Variants in PI4KB observed in about 807,000 individuals in gnomAD.
PI4KB encodes the protein PtdIns 4-kinase beta.
In PI4KB, 23 loss-of-function variants were observed where a neutral mutation model predicts 81.4. The observed-to-expected ratio is 0.28, with a 90% confidence interval of 0.20 to 0.40. PI4KB has a LOEUF of 0.40. Among genes scored for constraint, PI4KB ranks in the 10% least tolerant of loss-of-function variants. PI4KB has a pLI of 1.00. For synonymous variants in PI4KB, 381 were observed against 406.8 expected (o/e 0.94, Z 0.76); for missense variants, 651 against 1,036.6 (o/e 0.63, Z 5.11).
intron 1 of PI4KB, among the ~76,000 whole-genome samples, chr1:151,319,525 A>G (rs1044742901): frequency 2.0e-5 from 3 of 152,242 alleles, no homozygotes; most frequent in African/African-American, 7.2e-5. Context: ...AAAAGAAATC[A>G]GACTAGGACT....
chr1:151,296,418 T>C (rs1301419196), intron 9 of PI4KB, among the ~76,000 whole-genome samples: 13 of 152,018 alleles, frequency 8.6e-5, no homozygotes, highest in Admixed American at 8.5e-4. Context: ...AGGGTTTTCA[T>C]CTGGTTTAAA....
At chr1:151,313,745 C>T (rs1208999366) in intron 2 of PI4KB, among the ~76,000 whole-genome samples, 1 of 152,244 alleles carries the variant, frequency 6.6e-6, no homozygotes, top group Non-Finnish European at 1.5e-5. Flanking sequence ...TTTGCCTGTG[C>T]ATGGATGTGG....
In PI4KB at chr1:151,316,485, C is replaced by T. The variant is rs1647965735; in HGVS notation, c.-4G>A. ...GCTCCACTACTGTATCTCCCATGGCCACAGCCAGACTTCGAGCTTCCAAGC... is the reference window on the plus strand; with the variant it reads ...GCTCCACTACTGTATCTCCCATGGCTACAGCCAGACTTCGAGCTTCCAAGC... On this transcript the variant is annotated 5_prime_UTR_variant, in exon 2 of 12. Coordinates refer to ENST00000368873, the MANE Select transcript of PI4KB (RefSeq NM_001369623.2). 1 of 1,514,688 alleles carries T rather than the reference C, an allele frequency of 6.6e-7. No individual in the cohort carries two copies. The highest frequency in any genetic ancestry group is 1.4e-5 in the African/African-American group (1 of 71,634). The allele number at this position is 1,514,688 out of a possible 1,614,324, so 93.8% of individuals were successfully genotyped here.
At chr1:151,298,749 C>T in intron 9 of PI4KB, 59 bp downstream of exon 9, 4 of 1,555,890 alleles carry the variant, frequency 2.6e-6, no homozygotes, top group Non-Finnish European at 3.5e-6. Flanking sequence ...GAGAACTACA[C>T]ACGAAGGGAC....
chr1:151,299,990 A>T (rs1003515433), intron 8 of PI4KB, among the ~76,000 whole-genome samples: 1 of 152,252 alleles, frequency 6.6e-6, no homozygotes, highest in African/African-American at 2.4e-5. Flanking sequence ...TAATGGATAT[A>T]TGCCAAAAAC....
chr1:151,326,989 T>TA (rs989587648), intron 1 of PI4KB, among the ~76,000 whole-genome samples: 58 of 151,462 alleles, frequency 3.8e-4, no homozygotes, highest in Admixed American at 3.2e-3. Flanking sequence ...GTTCATGACT[T>TA]AAAAAAAAGA....
intron 3 of PI4KB, among the ~76,000 whole-genome samples, chr1:151,309,477 G>A (rs1224120291): frequency 2.0e-5 from 3 of 152,120 alleles, no homozygotes; most frequent in Admixed American, 6.5e-5. Context: ...AAATCAAATA[G>A]AAAATATAAA....
At chr1:151,298,765 G>T in intron 9 of PI4KB, 43 bp downstream of exon 9, 1 of 1,593,274 alleles carries the variant, frequency 6.3e-7, no homozygotes, top group South Asian at 1.1e-5. Flanking sequence ...GGGACAGAGA[G>T]AACCCTGGAG....
chr1:151,323,395 T>C (rs928388351), intron 1 of PI4KB, among the ~76,000 whole-genome samples: 3 of 150,786 alleles, frequency 2.0e-5, no homozygotes, highest in East Asian at 3.9e-4. Context: ...TAATCTCAGC[T>C]ACTCGGGAGG....
At position 151,292,609 on chromosome 1, in the gene PI4KB, G is replaced by A. The variant is rs1694386961; in HGVS notation, c.*243C>T. 5.6e-6 allele frequency: 3 copies of A among 534,568 alleles called. No individual in the cohort carries two copies. Among genetic ancestry groups the A allele is most frequent in the Non-Finnish European group, 1.0e-5 (3 of 297,930 alleles). The allele number at this position is 534,568 out of a possible 1,614,324, so 33.1% of individuals were successfully genotyped here. A position where few individuals can be genotyped will look rare whatever the true frequency, so the allele number is the denominator to read the frequency against. ...GGCAGTGAGTCCTGGAGTCAGTCTGGTGGTAATACTGACACAGACCAGGAG... is the reference window on the plus strand; with the variant it reads ...GGCAGTGAGTCCTGGAGTCAGTCTGATGGTAATACTGACACAGACCAGGAG... On this transcript the variant is annotated 3_prime_UTR_variant, in exon 12 of 12. Transcript: ENST00000368873.
Position 151,292,636 on chromosome 1 carries a change from G to T in PI4KB, c.*216C>A. 1 of 576,050 alleles carries T rather than the reference G, an allele frequency of 1.7e-6. No individual in the cohort carries two copies. The allele number at this position is 576,050 out of a possible 1,614,324, so 35.7% of individuals were successfully genotyped here. ...GGTAATACTGACACAGACCAGGAGG[G>T]GCAGGGAAGCCCCAACAAGTCTGGA... On this transcript the variant is annotated 3_prime_UTR_variant, in exon 12 of 12. Transcript: ENST00000368873.
rs151090491 is a variant in PI4KB, at chr1:151,301,924, G to A, written c.1669C>T (p.Arg557Trp). 3.6e-5 allele frequency: 58 copies of A among 1,613,998 alleles called. No homozygotes were observed. In the Admixed American group the frequency reaches 4.3e-4, roughly 12 times the overall value. Residue 557 changes from arginine (R) to tryptophan (W), a missense_variant, in exon 8 of 12, where the codon CGG (arginine) becomes TGG (tryptophan). Physicochemically the swap from Arg to Trp is moderately radical, Grantham distance 101 (BLOSUM62 -3). This residue lies in a region of PI4KB where 246 missense variants were observed against 430.1 expected (regional missense o/e 0.57). Transcript: ENST00000368873. ...GSPYGHLPNW[R>W]LLSVIVKCGD... ...CACTTGACAATGACTGACAGGAGCC[G>A]CCAATTGGGGAGATGGCCGTAGGGG...
chr1:151,293,355 C>T, intron 11 of PI4KB: 1 of 1,345,444 alleles, frequency 7.4e-7, no homozygotes, highest in Non-Finnish European at 9.8e-7. Context: ...GAGCTGGGCA[C>T]TTATCTGGTT....
intron 5 of PI4KB, among the ~76,000 whole-genome samples, chr1:151,304,549 T>C (rs757846067): frequency 2.6e-4 from 40 of 152,006 alleles, no homozygotes; most frequent in Non-Finnish European, 4.7e-4. Flanking sequence ...TTCACCATGT[T>C]AGTCAGGCTG....
chr1:151,301,161 G>C (rs755822399), intron 8 of PI4KB, among the ~76,000 whole-genome samples: 1 of 152,186 alleles, frequency 6.6e-6, no homozygotes. Context: ...GGTGGTCCCC[G>C]GCAGAATAAT....
At position 151,316,179 on chromosome 1, in the gene PI4KB, T is replaced by A. The variant is rs745606117; in HGVS notation, c.303A>T (p.Glu101Asp). The A allele has an allele frequency of 4.3e-6, 7 of 1,613,936 alleles. No homozygotes were observed. In the East Asian group the frequency reaches 1.6e-4, roughly 36 times the overall value. ...DDPPAQIREE[E>D]DEMGAAVASG... is the part of the protein sequence containing the mutation. ...AGGCCACAGCGGCCCCCATCTCATC[T>A]TCCTCCTCCCTGATCTGGGCAGGTG... The change falls in exon 2 of 12, where the codon GAA (glutamate) becomes GAT (aspartate). Residue 101 changes from glutamate to aspartate, a missense_variant. By Grantham distance (45) the Glu-to-Asp change is conservative (BLOSUM62 2). This residue lies in a region of PI4KB where 314 missense variants were observed against 397.8 expected (regional missense o/e 0.79). Transcript: ENST00000368873.
chr1:151,324,138 A>G (rs904415996), intron 1 of PI4KB, among the ~76,000 whole-genome samples: 2 of 151,940 alleles, frequency 1.3e-5, no homozygotes, highest in African/African-American at 4.8e-5. Flanking sequence ...TTTAGTAGAG[A>G]TGGGGTTTCA....
chr1:151,321,965 T>C (rs1299688473), intron 1 of PI4KB, among the ~76,000 whole-genome samples: 1 of 151,754 alleles, frequency 6.6e-6, no homozygotes, highest in Non-Finnish European at 1.5e-5. Context: ...GAAAAAGTCC[T>C]GTATTCAACA....
chr1:151,296,245 T>TCA (rs892164590), intron 9 of PI4KB, among the ~76,000 whole-genome samples: 73 of 151,956 alleles, frequency 4.8e-4, no homozygotes, highest in African/African-American at 1.6e-3. Context: ...AGACTCTGTC[T>TCA]CACACACACA....
Sources: gnomAD v4.1 joint callset for allele counts (sites outside exome capture counted in the v4.1 genomes callset) on GRCh38, gnomAD v4.1.1 for gene constraint, gnomAD v4.1.1 regional missense constraint, MANE v1.5 for transcripts, NCBI Gene and HGNC (gene_info 2026-07-23, HGNC 2026-07-21) for gene names.